The following ATP9A variants were observed in gnomAD, a reference collection of about 807,000 sequenced individuals.
ATP9A encodes the protein probable phospholipid-transporting ATPase IIA.
In ATP9A, 52 loss-of-function variants were observed where a neutral mutation model predicts 144.1. The observed-to-expected ratio is 0.36, with a 90% CI of 0.29 to 0.45. The LOEUF is 0.45. ATP9A is among the 20% of genes least tolerant of loss of function. The probability of loss-of-function intolerance (pLI) is 1.00; values close to 1 mark genes in which losing one functional copy is unlikely to be tolerated. For missense variants in ATP9A, 947 were observed against 1,392.7 expected (o/e 0.68, Z 5.09); for synonymous variants, 582 against 557.4 (o/e 1.04, Z -0.62).
intron 1 of ATP9A, among the ~76,000 whole-genome samples, chr20:51,767,389 G>GCCCACCCCCGTCCTT (rs1430693335): frequency 4.0e-5 from 6 of 151,372 alleles, no homozygotes; most frequent in African/African-American, 1.5e-4. Flanking sequence ...TTGCACCAGC[G>GCCCACCCCCGTCCTT]CCCACCCCCG....
chr20:51,635,512 A>G (rs2077287039), intron 15 of ATP9A, among the ~76,000 whole-genome samples: 1 of 152,046 alleles, frequency 6.6e-6, no homozygotes, highest in Non-Finnish European at 1.5e-5. Context: ...TCGAGATGGG[A>G]GGATCATTTG....
rs904898516 is a variant in ATP9A, at chr20:51,713,039, C to T, written c.363G>A (p.Ala121=). The T allele has an allele frequency of 1.9e-6, 3 of 1,612,924 alleles. No individual in the cohort carries two copies. Among genetic ancestry groups the T allele is most frequent in the Admixed American group, 1.7e-5 (1 of 59,908 alleles). The change falls in exon 4 of 28, where the codon GCG becomes GCA. Residue 121 remains alanine (A), a synonymous_variant. Coordinates refer to ENST00000338821, the MANE Select transcript of ATP9A (RefSeq NM_006045.3). ...FVLAVTVIRE[A]VEEIRCYVRD... is the part of the protein sequence containing the mutation. Reference sequence around the variant, plus strand: ...GCACGTAGCATCGGATCTCCTCCACCGCCTCACGGATGACAGTGACGGCCA... The same window carrying T: ...GCACGTAGCATCGGATCTCCTCCACTGCCTCACGGATGACAGTGACGGCCA...
chr20:51,599,798 A>T lies in ATP9A; in HGVS notation c.*1413T>A, dbSNP rs2077134467. On this transcript the variant is annotated 3_prime_UTR_variant, in exon 28 of 28. Coordinates refer to ENST00000338821, the MANE Select transcript of ATP9A (RefSeq NM_006045.3). Reference sequence around the variant, plus strand: ...CAGGCAGAGGGTTTGAAGGATATGTATTCATCAAGAAGTAAACGCAAATCC... The same window carrying T: ...CAGGCAGAGGGTTTGAAGGATATGTTTTCATCAAGAAGTAAACGCAAATCC... 6.6e-6 allele frequency: 1 copy of T among 151,738 alleles called. No homozygotes were observed. Among genetic ancestry groups the T allele is most frequent in the South Asian group, 2.1e-4 (1 of 4,836 alleles). The allele number at this position is 151,738 out of a possible 1,614,324, so 9.4% of individuals were successfully genotyped here. A position where few individuals can be genotyped will look rare whatever the true frequency, so the allele number is the denominator to read the frequency against.
chr20:51,656,045 T>C (rs946449092), intron 14 of ATP9A, among the ~76,000 whole-genome samples: 1 of 152,084 alleles, frequency 6.6e-6, no homozygotes, highest in African/African-American at 2.4e-5. Flanking sequence ...ACCTATTGTA[T>C]GGTTCCAGAT....
chr20:51,602,951 G>C (rs2077148861), intron 27 of ATP9A, among the ~76,000 whole-genome samples: 1 of 152,134 alleles, frequency 6.6e-6, no homozygotes, highest in African/African-American at 2.4e-5. Flanking sequence ...TGTTCCCCAG[G>C]CGGTGGGGTC....
At chr20:51,608,974 T>G (rs1310310917) in intron 24 of ATP9A, among the ~76,000 whole-genome samples, 1 of 115,464 alleles carries the variant, frequency 8.7e-6, no homozygotes, top group Non-Finnish European at 1.9e-5. Context: ...TGGTACAATT[T>G]TAGAGGCTGA....
intron 1 of ATP9A, among the ~76,000 whole-genome samples, chr20:51,747,673 A>T (rs1383564723): frequency 6.6e-6 from 1 of 152,150 alleles, no homozygotes; most frequent in Non-Finnish European, 1.5e-5. Context: ...GGATGCTGGG[A>T]CTGTCGCCTT....
intron 26 of ATP9A, among the ~76,000 whole-genome samples, chr20:51,606,078 G>A (rs867788706): frequency 2.0e-5 from 3 of 151,986 alleles, no homozygotes; most frequent in Non-Finnish European, 2.9e-5. Flanking sequence ...GACCAGCCTG[G>A]CCAACATGGT....
At chr20:51,630,012 G>A (rs993302387) in intron 15 of ATP9A, among the ~76,000 whole-genome samples, 1 of 152,208 alleles carries the variant, frequency 6.6e-6, no homozygotes, top group African/African-American at 2.4e-5. Context: ...AGGGCAATGT[G>A]GCCCTCCAGG....
At chr20:51,762,320 G>A (rs1316126696) in intron 1 of ATP9A, among the ~76,000 whole-genome samples, 1 of 152,102 alleles carries the variant, frequency 6.6e-6, no homozygotes, top group African/African-American at 2.4e-5. Flanking sequence ...TCAACACGGT[G>A]AAACCCCATC....
At chr20:51,609,280 A>G (rs1261279103) in intron 24 of ATP9A, among the ~76,000 whole-genome samples, 1 of 152,108 alleles carries the variant, frequency 6.6e-6, no homozygotes, top group Non-Finnish European at 1.5e-5. Flanking sequence ...AACCCGACGA[A>G]AGACAGCCCG....
chr20:51,598,047 G>A lies in ATP9A; in HGVS notation c.*3164C>T, dbSNP rs1333241845. 6.6e-6 allele frequency: 1 copy of A among 151,966 alleles called. No individual in the cohort carries two copies. The highest frequency in any genetic ancestry group is 6.6e-5 in the Admixed American group (1 of 15,252). The allele number at this position is 151,966 out of a possible 1,614,324, so 9.4% of individuals were successfully genotyped here. A position where few individuals can be genotyped will look rare whatever the true frequency, so the allele number is the denominator to read the frequency against. ...GATGCCTTCCAAGCAGCTGGAGTTAGTGCCACCTGTCTCACCTGGCACCAC... is the reference window on the plus strand; with the variant it reads ...GATGCCTTCCAAGCAGCTGGAGTTAATGCCACCTGTCTCACCTGGCACCAC... On this transcript the variant is annotated 3_prime_UTR_variant, in exon 28 of 28. Transcript: ENST00000338821.
At chr20:51,743,317 G>A (rs945143939) in intron 1 of ATP9A, among the ~76,000 whole-genome samples, 6 of 151,494 alleles carry the variant, frequency 4.0e-5, no homozygotes, top group Middle Eastern at 3.5e-3. Context: ...AAACTGGACC[G>A]TCTGACACTG....
At chr20:51,764,630 G>A (rs981231623) in intron 1 of ATP9A, among the ~76,000 whole-genome samples, 2 of 152,008 alleles carry the variant, frequency 1.3e-5, no homozygotes, top group Admixed American at 6.6e-5. Flanking sequence ...AGGTGAAATG[G>A]GTGGATCCGG....
chr20:51,637,873 T>C (rs1190108026), intron 15 of ATP9A, among the ~76,000 whole-genome samples: 2 of 150,292 alleles, frequency 1.3e-5, no homozygotes, highest in East Asian at 3.9e-4. Flanking sequence ...TTCAGCCCCC[T>C]GACTCGCCAA....
intron 1 of ATP9A, among the ~76,000 whole-genome samples, chr20:51,746,879 G>A (rs777713814): frequency 1.9e-4 from 29 of 151,986 alleles, no homozygotes; most frequent in Non-Finnish European, 3.4e-4. Context: ...GGTGGCGCAC[G>A]CCCGTAATCC....
chr20:51,622,285 C>G, intron 18 of ATP9A, 113 bp from the exon 19 acceptor site: 1 of 803,646 alleles, frequency 1.2e-6, no homozygotes. Flanking sequence ...TTCCGTTTAC[C>G]TCCTGCCGAC....
intron 25 of ATP9A, 88 bp from the exon 26 acceptor site, chr20:51,607,672 CG>C (rs968785728): frequency 2.2e-5 from 21 of 951,506 alleles, no homozygotes; most frequent in Non-Finnish European, 3.0e-5. Flanking sequence ...CTCCCGCTAA[CG>C]AGATAAGGCA....
intron 19 of ATP9A, among the ~76,000 whole-genome samples, chr20:51,620,827 A>G (rs1018774887): frequency 1.3e-5 from 2 of 152,186 alleles, no homozygotes; most frequent in South Asian, 2.1e-4. Flanking sequence ...CTCAGGTGGG[A>G]ATGTGTGTCT....
Sources: gnomAD v4.1 joint callset for allele counts (sites outside exome capture counted in the v4.1 genomes callset) on GRCh38, gnomAD v4.1.1 for gene constraint, MANE v1.5 for transcripts, NCBI Gene and HGNC (gene_info 2026-07-23, HGNC 2026-07-21) for gene names.